Variants in MYLK observed in about 807,000 individuals in gnomAD.
MYLK encodes the protein myosin light chain kinase, also known as myosin light chain kinase, smooth muscle.
In MYLK, 106 loss-of-function variants were observed where a neutral mutation model predicts 203.4. The ratio of observed to expected loss-of-function variants is 0.52; its 90% CI spans 0.45 to 0.61. The LOEUF (loss-of-function observed/expected upper bound fraction) is 0.61, where lower values mean the gene tolerates loss of function less well. Ranked by LOEUF, MYLK falls within the 20% of genes least tolerant of loss-of-function variation. The probability of loss-of-function intolerance (pLI) is 0.00; values close to 1 mark genes in which losing one functional copy is unlikely to be tolerated. For synonymous variants in MYLK, 867 were observed against 959.5 expected (o/e 0.90, Z 1.78); for missense variants, 2,072 against 2,442.3 (o/e 0.85, Z 3.20).
At chr3:123,719,171 GC>G (rs762565283) in intron 13 of MYLK, among the ~76,000 whole-genome samples, 11 of 152,200 alleles carry the variant, frequency 7.2e-5, no homozygotes, top group Non-Finnish European at 1.6e-4. Flanking sequence ...GTGAGAAAGA[GC>G]CCCTGCATCT....
chr3:123,698,714 G>T, intron 18 of MYLK: 1 of 177,022 alleles, frequency 5.6e-6, no homozygotes, highest in Non-Finnish European at 1.2e-5. Flanking sequence ...CTCTCTGCCA[G>T]CCAGTGTCCC....
At chr3:123,620,109 T>TAAA in intron 32 of MYLK, 98 bp downstream of exon 32, 1 of 876,438 alleles carries the variant, frequency 1.1e-6, no homozygotes, top group Non-Finnish European at 1.8e-6. Context: ...AATATTAAAA[T>TAAA]AAAAAAAAAA....
intron 18 of MYLK, among the ~76,000 whole-genome samples, chr3:123,695,788 T>C (rs1229653230): frequency 6.6e-6 from 1 of 152,200 alleles, no homozygotes; most frequent in Non-Finnish European, 1.5e-5. Flanking sequence ...AAAAGTGTTT[T>C]GCCAGGAGGA....
At chr3:123,815,018 C>A (rs1485769601) in intron 3 of MYLK, among the ~76,000 whole-genome samples, 1 of 152,130 alleles carries the variant, frequency 6.6e-6, no homozygotes, top group African/African-American at 2.4e-5. Flanking sequence ...GTCTTGAACT[C>A]CTGACCTCAG....
At chr3:123,691,950 G>A (rs1276468446) in intron 19 of MYLK, 1 of 152,288 alleles carries the variant, frequency 6.6e-6, no homozygotes, top group East Asian at 1.9e-4. Context: ...TTTCCTCTCT[G>A]GATGCCCTCA....
intron 5 of MYLK, among the ~76,000 whole-genome samples, chr3:123,743,313 A>T (rs1395601313): frequency 1.3e-5 from 2 of 152,200 alleles, no homozygotes; most frequent in Admixed American, 1.3e-4. Flanking sequence ...ATGTCAGGGT[A>T]AGAGGGTATG....
At position 123,722,147 on chromosome 3, in the gene MYLK, G is replaced by A. The variant is rs370094325; in HGVS notation, c.1785C>T (p.Ser595=). ...TCCTACCATGGACGGTGACCCAGGC[G>A]CTGCAGGACACCTGCCCCAAGGCAT... The part of the protein sequence containing the change: ...AENALGQVSC[S]AWVTVHEKKS... Residue 595 remains serine (S), a synonymous_variant, in exon 13 of 34, where the codon AGC becomes AGT. Transcript: ENST00000360304. The A allele has an allele frequency of 8.6e-5, 135 of 1,566,198 alleles. No individual in the cohort carries two copies. Among genetic ancestry groups the A allele is most frequent in the Admixed American group, 7.7e-4 (41 of 53,388 alleles).
chr3:123,836,771 C>CTA (rs1362431537), intron 2 of MYLK, among the ~76,000 whole-genome samples: 3 of 152,196 alleles, frequency 2.0e-5, no homozygotes, highest in African/African-American at 7.2e-5. Context: ...CCAGATAACA[C>CTA]TAGTACCTGG....
At chr3:123,681,768 A>C in intron 20 of MYLK, 1 of 236,498 alleles carries the variant, frequency 4.2e-6, no homozygotes. Context: ...CCTCGGCACT[A>C]ACATGTGGAG....
At chr3:123,733,594 T>C in intron 10 of MYLK, 93 bp downstream of exon 10, 1 of 1,469,136 alleles carries the variant, frequency 6.8e-7, no homozygotes, top group Non-Finnish European at 9.4e-7. Context: ...TGAGTGGATA[T>C]AGGTGATGCA....
At chr3:123,673,934 C>T (rs2059996129) in intron 20 of MYLK, among the ~76,000 whole-genome samples, 1 of 152,192 alleles carries the variant, frequency 6.6e-6, no homozygotes, top group Admixed American at 6.5e-5. Context: ...AGGCAGTCAG[C>T]CCAGGCAGCA....
In MYLK at chr3:123,665,392, T is replaced by G. The variant is rs189005383; in HGVS notation, c.3831+827A>C. Among the ~76,000 whole-genome samples, 11 of 152,358 alleles carry G rather than the reference T, an allele frequency of 7.2e-5. No homozygotes were observed. The East Asian group carries it at 1.7e-3, about 24-fold the overall frequency. ...GTCCAGATGTCGCTCAGGGCAAACA[T>G]GCTCTGGGATGCTAAAGGCAAACTT... is the stretch of plus-strand genomic sequence containing the variant. On this transcript the variant is annotated intron_variant, in intron 22 of 33. Coordinates refer to ENST00000360304, the MANE Select transcript of MYLK (RefSeq NM_053025.4).
In MYLK at chr3:123,739,074, T is replaced by C. The variant is rs781502188; in HGVS notation, c.423-12A>G. 1.7e-5 allele frequency: 28 copies of C among 1,613,408 alleles called. No homozygotes were observed. Among genetic ancestry groups the C allele is most frequent in the African/African-American group, 2.7e-5 (2 of 74,928 alleles). On this transcript the variant is annotated splice_polypyrimidine_tract_variant and intron_variant, in intron 6 of 33. Coordinates refer to ENST00000360304, the MANE Select transcript of MYLK (RefSeq NM_053025.4). ...CTGAAAATCTATCCCTGTAAGGAAA[T>C]TGGCAGAGAATCCAGTCCCAGACAA...
At position 123,833,377 on chromosome 3, in the gene MYLK, G is replaced by A. The variant is rs575089604; in HGVS notation, c.-126-1707C>T. On this transcript the variant is annotated intron_variant, in intron 2 of 33. Coordinates refer to ENST00000360304, the MANE Select transcript of MYLK (RefSeq NM_053025.4). ...ATATCCATCTCTGGTGAAGGTTTAG[G>A]GATACCTATTGCTTCTTAGTTCCTT... 2.6e-5 allele frequency among the ~76,000 whole-genome samples: 4 copies of A among 152,182 alleles called. No homozygotes were observed. In the East Asian group the frequency reaches 7.7e-4, roughly 29 times the overall value.
chr3:123,836,586 C>T (rs571434858), intron 2 of MYLK, among the ~76,000 whole-genome samples: 2 of 152,258 alleles, frequency 1.3e-5, no homozygotes, highest in Admixed American at 6.5e-5. Context: ...TAAGGAGCAC[C>T]TGGTAGGCTA....
intron 2 of MYLK, among the ~76,000 whole-genome samples, chr3:123,838,099 A>G (rs1401761715): frequency 6.6e-6 from 1 of 152,174 alleles, no homozygotes; most frequent in Non-Finnish European, 1.5e-5. Flanking sequence ...ATAAATACAA[A>G]CAAAAACAAC....
chr3:123,832,347 G>A (rs1366051758), intron 2 of MYLK, among the ~76,000 whole-genome samples: 1 of 152,172 alleles, frequency 6.6e-6, no homozygotes, highest in East Asian at 1.9e-4. Context: ...CACTTCTTAA[G>A]AGGGAAATAA....
intron 19 of MYLK, among the ~76,000 whole-genome samples, chr3:123,687,369 AG>A (rs1278879007): frequency 6.6e-6 from 1 of 152,228 alleles, no homozygotes; most frequent in African/African-American, 2.4e-5. Context: ...CACAGTGGTT[AG>A]GCACCAAGGC....
chr3:123,687,853 G>A (rs1001052474), intron 19 of MYLK, among the ~76,000 whole-genome samples: 4 of 151,966 alleles, frequency 2.6e-5, no homozygotes, highest in Non-Finnish European at 5.9e-5. Flanking sequence ...TGTATTTTTT[G>A]TAGAGACAGG....
Sources: gnomAD v4.1 joint callset for allele counts (sites outside exome capture counted in the v4.1 genomes callset) on GRCh38, gnomAD v4.1.1 for gene constraint, MANE v1.5 for transcripts, NCBI Gene and HGNC (gene_info 2026-07-23, HGNC 2026-07-21) for gene names.